The following CC2D1A variants were observed in gnomAD, a reference collection of about 807,000 sequenced individuals.
The protein encoded by CC2D1A is coiled-coil and C2 domain-containing protein 1A.
In CC2D1A, 68 loss-of-function variants were observed where a neutral mutation model predicts 123.8. The observed-to-expected ratio is 0.55, with a 90% CI of 0.45 to 0.67. CC2D1A has a LOEUF of 0.67. Among genes scored for constraint, CC2D1A ranks in the 30% least tolerant of loss-of-function variants. The probability of loss-of-function intolerance (pLI) is 0.00; values close to 1 mark genes in which losing one functional copy is unlikely to be tolerated. For synonymous variants in CC2D1A, 477 were observed against 528.0 expected (o/e 0.90, Z 1.32); for missense variants, 1,185 against 1,290.3 (o/e 0.92, Z 1.25).
chr19:13,919,769 T>C, intron 11 of CC2D1A, 49 bp from the exon 12 acceptor site: 2 of 1,536,438 alleles, frequency 1.3e-6, no homozygotes, highest in Non-Finnish European at 1.8e-6. Context: ...ATGGTGTGAG[T>C]TGGTCTCCAT....
At chr19:13,910,867 C>T (rs564266594) in intron 2 of CC2D1A, among the ~76,000 whole-genome samples, 6 of 151,718 alleles carry the variant, frequency 4.0e-5, no homozygotes, top group African/African-American at 1.5e-4. Context: ...GCAGAGATTG[C>T]GCCACTGCAC....
chr19:13,916,642 C>G (rs1971215690), intron 6 of CC2D1A, among the ~76,000 whole-genome samples: 1 of 152,104 alleles, frequency 6.6e-6, no homozygotes, highest in Non-Finnish European at 1.5e-5. Context: ...AACAATAATT[C>G]AACCCGGAAA....
In CC2D1A at chr19:13,929,421, C is replaced by T. The variant is rs375204832; in HGVS notation, c.2562C>T (p.Asp854=). ...ATAGCCTCAGTGTGCTGGCGTTTGA[C>T]CAAGAGCGTCTGGAGCGGAAGGTGG... ...PLHSLSVLAF[D]QERLERKILA... is the part of the protein sequence containing the mutation. Residue 854 remains aspartate (D), a synonymous_variant, in exon 25 of 29, where the codon GAC becomes GAT. Coordinates refer to ENST00000318003, the MANE Select transcript of CC2D1A (RefSeq NM_017721.5). 3 of 1,613,488 alleles carry T rather than the reference C, an allele frequency of 1.9e-6. No individual in the cohort carries two copies. The Admixed American group carries it at 5.0e-5, about 27-fold the overall frequency.
At position 13,919,037 on chromosome 19, in the gene CC2D1A, G is replaced by T. The variant is rs1412124520; in HGVS notation, c.1144G>T (p.Val382Phe). The change falls in exon 10 of 29, where the codon GTC (valine) becomes TTC (phenylalanine). Residue 382 changes from valine to phenylalanine, a missense_variant. By Grantham distance (50) the Val-to-Phe change is conservative. Transcript: ENST00000318003. Reference sequence around the variant, plus strand: ...GAAAGCTCGAATGCACGAGCGCATCGTCAAGGTGCCCTGGGGGTTCCGGGG... The same window carrying T: ...GAAAGCTCGAATGCACGAGCGCATCTTCAAGGTGCCCTGGGGGTTCCGGGG... ...QRKARMHERI[V>F]KQYQDAIRAH... 2.5e-6 allele frequency: 4 copies of T among 1,606,982 alleles called. No homozygotes were observed. Among genetic ancestry groups the T allele is most frequent in the Non-Finnish European group, 2.6e-6 (3 of 1,176,396 alleles).
At chr19:13,919,224 C>G in intron 11 of CC2D1A, 22 bp downstream of exon 11, 1 of 1,586,834 alleles carries the variant, frequency 6.3e-7, no homozygotes, top group Non-Finnish European at 8.6e-7. Flanking sequence ...CCCTGTAGGC[C>G]TCGCCCCAGT....
At chr19:13,922,531 C>T (rs139825406) in intron 14 of CC2D1A, among the ~76,000 whole-genome samples, 2 of 152,218 alleles carry the variant, frequency 1.3e-5, no homozygotes, top group Non-Finnish European at 2.9e-5. Flanking sequence ...CTCCCTGTCA[C>T]CCAGATCCCT....
At chr19:13,929,909 G>A (rs1327571163) in intron 26 of CC2D1A, among the ~76,000 whole-genome samples, 169 bp from the exon 27 acceptor site, 1 of 109,686 alleles carries the variant, frequency 9.1e-6, no homozygotes, top group East Asian at 3.0e-4. Context: ...GGAGGGGCTC[G>A]GGGATGGGCA....
At chr19:13,919,690 A>AT in intron 11 of CC2D1A, 128 bp from the exon 12 acceptor site, 3 of 991,046 alleles carry the variant, frequency 3.0e-6, no homozygotes, top group Non-Finnish European at 4.1e-6. Flanking sequence ...AAAAAAAAAA[A>AT]TTAATTAATT....
chr19:13,919,317 A>C, intron 11 of CC2D1A, 115 bp downstream of exon 11: 1 of 775,594 alleles, frequency 1.3e-6, no homozygotes, highest in Non-Finnish European at 2.0e-6. Flanking sequence ...CCAGCCTCTG[A>C]GCCTTGGCAG....
chr19:13,926,268 T>C (rs1444189976), intron 17 of CC2D1A, among the ~76,000 whole-genome samples: 1 of 151,818 alleles, frequency 6.6e-6, no homozygotes, highest in Admixed American at 6.6e-5. Flanking sequence ...CTAGGGTACC[T>C]AGCACACAGT....
rs560289452 is a variant in CC2D1A at position 13,929,554 on chromosome 19, G to A, written c.2604G>A (p.Ala868=). ...TCTAGATCCTGGCCCTCAGGCAGGC[G>A]CGGCGGCCGGTGCCCCCAGAAGTGG... ...LERKILALRQ[A]RRPVPPEVAQ... The change falls in exon 26 of 29, where the codon GCG becomes GCA. Residue 868 remains alanine (A), a synonymous_variant. Transcript: ENST00000318003. 150 of 1,611,028 alleles carry A rather than the reference G, an allele frequency of 9.3e-5. No individual in the cohort carries two copies. The highest frequency in any genetic ancestry group is 2.3e-4 in the South Asian group (21 of 90,964).
chr19:13,925,946 A>ACG (rs1476837852), intron 17 of CC2D1A, among the ~76,000 whole-genome samples: 2 of 121,824 alleles, frequency 1.6e-5, no homozygotes, highest in South Asian at 4.8e-4. Context: ...ATATATATAT[A>ACG]TATATATATA....
At chr19:13,927,751 C>T (rs1971696292) in intron 22 of CC2D1A, 142 bp from the exon 23 acceptor site, 1 of 882,826 alleles carries the variant, frequency 1.1e-6, no homozygotes, top group Non-Finnish European at 1.7e-6. Flanking sequence ...CACTGCACTC[C>T]AGCCTGGACA....
At chr19:13,928,765 A>G (rs1016511890) in intron 24 of CC2D1A, among the ~76,000 whole-genome samples, 3 of 145,034 alleles carry the variant, frequency 2.1e-5, no homozygotes, top group Non-Finnish European at 3.0e-5. Context: ...CTAGAGTGCA[A>G]TGGCGCGATC....
chr19:13,914,638 C>G (rs1041315400), intron 6 of CC2D1A, among the ~76,000 whole-genome samples: 1 of 148,016 alleles, frequency 6.8e-6, no homozygotes, highest in African/African-American at 2.5e-5. Context: ...CAGGCCTCAT[C>G]GCCTTTTTTT....
In CC2D1A at chr19:13,918,488, C is replaced by T. The variant is rs373362702; in HGVS notation, c.874-16C>T. ...CAACTGCACCTCTTCTTCTAATCTCCTCTTCCTTCTCCCAGAGCTTTGATG... is the reference window on the plus strand; with the variant it reads ...CAACTGCACCTCTTCTTCTAATCTCTTCTTCCTTCTCCCAGAGCTTTGATG... On this transcript the variant is annotated splice_polypyrimidine_tract_variant and intron_variant, in intron 7 of 28. Coordinates refer to ENST00000318003, the MANE Select transcript of CC2D1A (RefSeq NM_017721.5). 62 of 1,612,220 alleles carry T rather than the reference C, an allele frequency of 3.8e-5. No individual in the cohort carries two copies. Among genetic ancestry groups the T allele is most frequent in the South Asian group, 3.6e-4 (33 of 90,826 alleles).
chr19:13,918,018 G>A, intron 6 of CC2D1A, 52 bp from the exon 7 acceptor site: 3 of 1,590,442 alleles, frequency 1.9e-6, no homozygotes, highest in South Asian at 1.1e-5. Context: ...GGTTTACACG[G>A]TGAACTTGGC....
intron 17 of CC2D1A, among the ~76,000 whole-genome samples, chr19:13,925,810 C>T (rs1971571244): frequency 6.7e-6 from 1 of 149,552 alleles, no homozygotes; most frequent in Admixed American, 6.7e-5. Flanking sequence ...ATCCCAGCTA[C>T]TCAGGAGGCT....
In CC2D1A at chr19:13,929,387, G is replaced by A. The variant is rs757026777; in HGVS notation, c.2528G>A (p.Arg843Gln). 25 of 1,613,516 alleles carry A rather than the reference G, an allele frequency of 1.5e-5. No homozygotes were observed. The highest frequency in any genetic ancestry group is 6.7e-5 in the Admixed American group (4 of 59,964). The change falls in exon 25 of 29, where the codon CGG becomes CAG. Residue 843 changes from arginine to glutamine, a missense_variant. Coordinates refer to ENST00000318003, the MANE Select transcript of CC2D1A (RefSeq NM_017721.5). ...CTTCCTCCACCCCTTAGATCAGCCC[G>A]GCCCCTGCATAGCCTCAGTGTGCTG... is the stretch of plus-strand genomic sequence containing the variant. ...PARESGNRSA[R>Q]PLHSLSVLAF...
Sources: allele counts gnomAD v4.1 joint callset (sites outside exome capture counted in the v4.1 genomes callset), GRCh38; gene constraint gnomAD v4.1.1; transcripts MANE v1.5; gene names NCBI Gene and HGNC (gene_info 2026-07-23, HGNC 2026-07-21).